The following CHCHD6 variants were observed in gnomAD, a reference collection of about 807,000 sequenced individuals.
The protein encoded by CHCHD6 is coiled-coil-helix-coiled-coil-helix domain containing 6.
CHCHD6 carries 28 observed loss-of-function variants against 32.3 expected under a neutral mutation model. The observed-to-expected ratio is 0.87, with a 90% CI of 0.64 to 1.19. CHCHD6 has a LOEUF of 1.19. Ranked by LOEUF, CHCHD6 falls within the 50% of genes most tolerant of loss-of-function variation. The pLI is 0.00. For missense variants in CHCHD6, 333 were observed against 307.0 expected (o/e 1.08, Z -0.63); for synonymous variants, 122 against 117.5 (o/e 1.04, Z -0.25).
chr3:126,864,395 ACCTCCTCCT>A (rs761302657), intron 5 of CHCHD6, among the ~76,000 whole-genome samples: 2 of 101,660 alleles, frequency 2.0e-5, no homozygotes, highest in Admixed American at 2.0e-4. Flanking sequence ...CTACACCACC[ACCTCCTCCT>A]CCTCCTCCTC....
chr3:126,706,398 G>A (rs1407803303), intron 1 of CHCHD6, among the ~76,000 whole-genome samples: 3 of 152,060 alleles, frequency 2.0e-5, no homozygotes, highest in Non-Finnish European at 4.4e-5. Flanking sequence ...AGATCTTTTC[G>A]GTGCAAAAAG....
chr3:126,801,443 G>A (rs1048668593), intron 4 of CHCHD6, among the ~76,000 whole-genome samples: 6 of 152,216 alleles, frequency 3.9e-5, no homozygotes, highest in Non-Finnish European at 7.3e-5. Flanking sequence ...CTACGCCCAC[G>A]GAGTCTTGCT....
At chr3:126,886,624 C>T (rs2077683747) in intron 5 of CHCHD6, among the ~76,000 whole-genome samples, 1 of 152,218 alleles carries the variant, frequency 6.6e-6, no homozygotes, top group Non-Finnish European at 1.5e-5. Flanking sequence ...CACTGCTTCT[C>T]AGCATATATT....
At chr3:126,704,716 G>C (rs1042338731) in intron 1 of CHCHD6, among the ~76,000 whole-genome samples, 40 of 152,268 alleles carry the variant, frequency 2.6e-4, no homozygotes, top group Non-Finnish European at 5.9e-5. Flanking sequence ...TTTGCGCCCG[G>C]CCTCCCAGCC....
chr3:126,795,403 T>C (rs1481282052), intron 4 of CHCHD6, among the ~76,000 whole-genome samples: 7 of 152,230 alleles, frequency 4.6e-5, no homozygotes, highest in African/African-American at 1.7e-4. Flanking sequence ...GAATTTTAGT[T>C]CTTTTTCCTT....
At chr3:126,823,386 A>T (rs112107334) in intron 4 of CHCHD6, among the ~76,000 whole-genome samples, 2,975 of 152,256 alleles carry the variant, frequency 0.02, 48 homozygotes, top group Middle Eastern at 0.045. Flanking sequence ...CATTATATGT[A>T]TATCCATTTG....
chr3:126,727,705 C>A (rs777423216), intron 2 of CHCHD6, among the ~76,000 whole-genome samples: 4 of 152,164 alleles, frequency 2.6e-5, no homozygotes, highest in Non-Finnish European at 5.9e-5. Flanking sequence ...CTAGGAGTTC[C>A]TCTTCCTGGC....
intron 5 of CHCHD6, among the ~76,000 whole-genome samples, chr3:126,902,800 C>T (rs2077948570): frequency 6.6e-6 from 1 of 151,884 alleles, no homozygotes; most frequent in South Asian, 2.1e-4. Flanking sequence ...GCTCCTCGGA[C>T]CTCACACACA....
intron 5 of CHCHD6, among the ~76,000 whole-genome samples, chr3:126,864,141 C>G (rs1942131285): frequency 6.8e-6 from 1 of 147,386 alleles, no homozygotes; most frequent in African/African-American, 2.5e-5. Flanking sequence ...CCACCATTAC[C>G]ACCATTACCA....
chr3:126,891,339 C>T (rs545535576), intron 5 of CHCHD6, among the ~76,000 whole-genome samples: 1 of 152,224 alleles, frequency 6.6e-6, no homozygotes, highest in Admixed American at 6.5e-5. Flanking sequence ...GATCCTTGAG[C>T]AGAAGGCAGA....
intron 6 of CHCHD6, among the ~76,000 whole-genome samples, chr3:126,922,739 G>A (rs1198843222): frequency 2.6e-5 from 4 of 151,596 alleles, no homozygotes; most frequent in African/African-American, 4.9e-5. Context: ...GTGTGTACAC[G>A]TGCTTGTTTC....
rs1194468727 is a variant in CHCHD6 at position 126,743,354 on chromosome 3, C to T, written c.411+10132C>T. The stretch of plus-strand genomic sequence containing the variant: ...CCTCCCCCATTACCAAATCACAGGT[C>T]TGCGGATGCCTTCAGTTTTCTTTTC... On this transcript the variant is annotated intron_variant, in intron 4 of 7. Coordinates refer to ENST00000290913, the MANE Select transcript of CHCHD6 (RefSeq NM_032343.3). Among the ~76,000 whole-genome samples, 5 of 152,282 alleles carry T rather than the reference C, an allele frequency of 3.3e-5. No homozygotes were observed. The East Asian group carries it at 9.7e-4, about 29-fold the overall frequency.
chr3:126,929,869 C>T (rs1361195652), intron 6 of CHCHD6, among the ~76,000 whole-genome samples: 1 of 152,174 alleles, frequency 6.6e-6, no homozygotes, highest in Non-Finnish European at 1.5e-5. Context: ...TGACCCCTTC[C>T]AACTCTTTTA....
At chr3:126,887,489 G>A (rs2077694292) in intron 5 of CHCHD6, among the ~76,000 whole-genome samples, 1 of 152,118 alleles carries the variant, frequency 6.6e-6, no homozygotes, top group African/African-American at 2.4e-5. Context: ...GGGAAGATCT[G>A]GCTTGGCTCT....
At chr3:126,750,789 G>A (rs1257491141) in intron 4 of CHCHD6, among the ~76,000 whole-genome samples, 1 of 152,212 alleles carries the variant, frequency 6.6e-6, no homozygotes, top group Admixed American at 6.5e-5. Flanking sequence ...CATTAACACT[G>A]CCCCATCTGT....
chr3:126,853,964 C>G (rs1941565068), intron 5 of CHCHD6, among the ~76,000 whole-genome samples: 1 of 152,128 alleles, frequency 6.6e-6, no homozygotes, highest in African/African-American at 2.4e-5. Flanking sequence ...TTGTGCAATT[C>G]TTTGGTCTCC....
chr3:126,754,964 TG>T (rs1936894497), intron 4 of CHCHD6, among the ~76,000 whole-genome samples: 1 of 152,036 alleles, frequency 6.6e-6, no homozygotes, highest in African/African-American at 2.4e-5. Flanking sequence ...ATCTTCCCAT[TG>T]GGGGCAATGA....
At chr3:126,898,829 A>G (rs1477615177) in intron 5 of CHCHD6, among the ~76,000 whole-genome samples, 1 of 152,176 alleles carries the variant, frequency 6.6e-6, no homozygotes, top group Non-Finnish European at 1.5e-5. Context: ...GTGAGCCACC[A>G]CACCTGGCTG....
intron 5 of CHCHD6, among the ~76,000 whole-genome samples, chr3:126,892,816 C>G (rs757591017): frequency 1.6e-4 from 24 of 152,230 alleles, no homozygotes; most frequent in Middle Eastern, 3.2e-3. Context: ...TTGCCCAGCA[C>G]TTCTGCCTGC....
Sources: gnomAD v4.1 joint callset for allele counts (sites outside exome capture counted in the v4.1 genomes callset) on GRCh38, gnomAD v4.1.1 for gene constraint, MANE v1.5 for transcripts, NCBI Gene and HGNC (gene_info 2026-07-23, HGNC 2026-07-21) for gene names.